Variants in CHD7 observed in about 807,000 individuals in gnomAD.
The protein encoded by CHD7 is ATP-dependent chromatin remodeler CHD7.
In CHD7, 24 loss-of-function variants were observed where a neutral mutation model predicts 307.3. That is an observed-to-expected ratio of 0.08 (90% CI 0.06 to 0.11). The LOEUF (loss-of-function observed/expected upper bound fraction) is 0.11, where lower values mean the gene tolerates loss of function less well. Among genes scored for constraint, CHD7 ranks in the 10% least tolerant of loss-of-function variants. The probability of loss-of-function intolerance (pLI) is 1.00; values close to 1 mark genes in which losing one functional copy is unlikely to be tolerated. For missense variants in CHD7, 3,106 were observed against 3,727.1 expected, an observed-to-expected ratio of 0.83 and a Z score of 4.34; for synonymous variants, 1,363 against 1,349.9, an observed-to-expected ratio of 1.01 and a Z score of -0.21.
intron 13 of CHD7, among the ~76,000 whole-genome samples, chr8:60,827,031 A>T (rs1804281837): frequency 6.6e-6 from 1 of 152,182 alleles, no homozygotes; most frequent in African/African-American, 2.4e-5. Context: ...CCCACTTTCA[A>T]ATTGATACCT....
Position 60,865,964 on chromosome 8 carries a change from AC to A in CHD7, c.*32del. The A allele has an allele frequency of 6.5e-7, 1 of 1,549,030 alleles. No homozygotes were observed. The highest frequency in any genetic ancestry group is 8.8e-7 in the Non-Finnish European group (1 of 1,139,480). On this transcript the variant is annotated 3_prime_UTR_variant, in exon 38 of 38. Transcript: ENST00000423902. This position sits in a 1 kb window ranked among gnomAD's most constrained non-coding sequence, Gnocchi z 4.3. ...ACCAGTTCCAGTTCAAGTGTTTAAA[AC>A]TTTTGACAAGTGGTAGTCCTACTGT...
At position 60,821,869 on chromosome 8, in the gene CHD7, A is replaced by G; in HGVS notation, c.2777A>G (p.Gln926Arg). The change falls in exon 10 of 38, where the codon CAA (glutamine) becomes CGA (arginine). Residue 926 changes from glutamine to arginine, a missense_variant. By Grantham distance (43) the Gln-to-Arg change is conservative. Coordinates refer to ENST00000423902, the MANE Select transcript of CHD7 (RefSeq NM_017780.4). Reference protein sequence around the residue: ...STWERRQDIDQAKIEEFEKLM... With the variant: ...STWERRQDIDRAKIEEFEKLM... Reference sequence around the variant, plus strand: ...TGGGAGCGGAGGCAGGACATAGATCAAGCAAAGATCGAGGAGTTTGAGAAA... The same window carrying G: ...TGGGAGCGGAGGCAGGACATAGATCGAGCAAAGATCGAGGAGTTTGAGAAA... The G allele has an allele frequency of 6.2e-7, 1 of 1,607,304 alleles. No individual in the cohort carries two copies. The highest frequency in any genetic ancestry group is 8.5e-7 in the Non-Finnish European group (1 of 1,176,474).
At chr8:60,849,560 A>C (rs912682356) in intron 25 of CHD7, among the ~76,000 whole-genome samples, 5 of 152,172 alleles carry the variant, frequency 3.3e-5, no homozygotes, top group African/African-American at 7.2e-5. Context: ...GTTCCAAGCA[A>C]TATTTCACAA....
intron 2 of CHD7, among the ~76,000 whole-genome samples, chr8:60,747,317 A>G (rs530320478): frequency 8.5e-5 from 13 of 152,132 alleles, no homozygotes; most frequent in African/African-American, 2.9e-4. Context: ...ACCTCAGATG[A>G]TCCACCCGCT....
intron 13 of CHD7, among the ~76,000 whole-genome samples, chr8:60,825,980 C>T (rs533562991): frequency 5.3e-5 from 8 of 152,088 alleles, no homozygotes; most frequent in Admixed American, 6.6e-5. Context: ...TAATGCTATC[C>T]CTCCCCCAGC....
Position 60,841,750 on chromosome 8 carries a change from G to A in CHD7, c.4640G>A (p.Gly1547Glu). Residue 1547 changes from glycine (G) to glutamate (E), a missense_variant, in exon 20 of 38, where the codon GGG becomes GAG. Transcript: ENST00000423902. ...GAATTGGATATTGATGCCTTAAATG[G>A]GAGGGTGAGTAAGAAGTCCCATTCG... ...KAELDIDALNGRNNLVIDTPR... is the reference protein window; with the variant it reads ...KAELDIDALNERNNLVIDTPR... 1 of 1,605,466 alleles carries A rather than the reference G, an allele frequency of 6.2e-7. No individual in the cohort carries two copies. Among genetic ancestry groups the A allele is most frequent in the African/African-American group, 1.3e-5 (1 of 74,866 alleles).
In CHD7 at chr8:60,845,082, G is replaced by A. The variant is rs1371167281; in HGVS notation, c.5050+19G>A. 6.2e-7 allele frequency: 1 copy of A among 1,612,580 alleles called. No individual in the cohort carries two copies. Among genetic ancestry groups the A allele is most frequent in the Non-Finnish European group, 8.5e-7 (1 of 1,179,094 alleles). ...CATTCCGGTAGGTCTCCACCATGCT[G>A]TTTGTGCTACAGGGTCACAAAGCCA... is the stretch of plus-strand genomic sequence containing the variant. On this transcript the variant is annotated intron_variant, in intron 22 of 37. Transcript: ENST00000423902.
At chr8:60,766,074 CTGCT>C (rs1306254330) in intron 2 of CHD7, among the ~76,000 whole-genome samples, 1 of 152,250 alleles carries the variant, frequency 6.6e-6, no homozygotes, top group African/African-American at 2.4e-5. Context: ...CAGTGCACAC[CTGCT>C]TATCATTCAC....
chr8:60,843,326 T>C (rs1313084466), intron 21 of CHD7, among the ~76,000 whole-genome samples: 1 of 152,224 alleles, frequency 6.6e-6, no homozygotes, highest in African/African-American at 2.4e-5. Flanking sequence ...AAAAGCCCTT[T>C]GCTACCCATG....
chr8:60,850,370 T>C, intron 25 of CHD7, 123 bp from the exon 26 acceptor site: 1 of 1,215,582 alleles, frequency 8.2e-7, no homozygotes. Context: ...CCACTTGGAT[T>C]CAACAGAGAT....
At chr8:60,726,938 C>T (rs1274923850) in intron 1 of CHD7, among the ~76,000 whole-genome samples, 1 of 152,074 alleles carries the variant, frequency 6.6e-6, no homozygotes, top group Non-Finnish European at 1.5e-5. Context: ...TGTATCTTTG[C>T]CCCTTCTTAC....
chr8:60,835,425 T>C (rs762935683), intron 15 of CHD7, among the ~76,000 whole-genome samples: 1 of 152,208 alleles, frequency 6.6e-6, no homozygotes, highest in Non-Finnish European at 1.5e-5. Flanking sequence ...TAGTTCAAGA[T>C]AGAATTTTTG....
rs199953550 is a variant in CHD7 at position 60,742,483 on chromosome 8, G to A, written c.1051G>A (p.Val351Ile). 1.8e-5 allele frequency: 29 copies of A among 1,613,976 alleles called. No homozygotes were observed. The African/African-American group carries it at 3.7e-4, about 21-fold the overall frequency. ...NQSVPRYPNA[V>I]GFPSNSGQGL... ...GTCCGTACCAAGATACCCCAATGCT[G>A]TAGGATTCCCATCAAACAGTGGTCA... The change falls in exon 2 of 38, where the codon GTA becomes ATA. Residue 351 changes from valine to isoleucine, a missense_variant. By Grantham distance (29) the Val-to-Ile change is conservative. Transcript: ENST00000423902.
At chr8:60,739,485 C>T (rs1808881688) in intron 1 of CHD7, among the ~76,000 whole-genome samples, 1 of 152,198 alleles carries the variant, frequency 6.6e-6, no homozygotes, top group South Asian at 2.1e-4. Flanking sequence ...TATAGTAAAG[C>T]AGCGTGTTTT....
Position 60,820,071 on chromosome 8 carries a change from G to A in CHD7, c.2678G>A (p.Ser893Asn). The change falls in exon 9 of 38, where the codon AGC becomes AAC. Residue 893 changes from serine (S) to asparagine (N), a missense_variant. Ser to Asn is a conservative substitution (Grantham distance 46, BLOSUM62 1). Around this residue, in one of 10 missense-constraint regions of CHD7, gnomAD observed 188 missense variants for 261.7 expected, o/e 0.72. Coordinates refer to ENST00000423902, the MANE Select transcript of CHD7 (RefSeq NM_017780.4). ...GACCGGATAATGGACTTTGCACGTA[G>A]CACAGATGACCGGGGAGAGGTAACA... ...EVDRIMDFARSTDDRGEPVTH... is the reference protein window; with the variant it reads ...EVDRIMDFARNTDDRGEPVTH... 1 of 1,608,896 alleles carries A rather than the reference G, an allele frequency of 6.2e-7. No individual in the cohort carries two copies. Among genetic ancestry groups the A allele is most frequent in the Middle Eastern group, 1.7e-4 (1 of 6,060 alleles).
intron 1 of CHD7, among the ~76,000 whole-genome samples, chr8:60,690,915 A>T (rs1806161754): frequency 6.6e-6 from 1 of 151,890 alleles, no homozygotes; most frequent in Admixed American, 6.6e-5. Context: ...TGCCCATGTC[A>T]TTTGCATCTT....
At chr8:60,807,132 C>T (rs759887582) in intron 6 of CHD7, among the ~76,000 whole-genome samples, 6 of 152,214 alleles carry the variant, frequency 3.9e-5, no homozygotes, top group Non-Finnish European at 8.8e-5. Flanking sequence ...ATTGAGGGGA[C>T]TAGTACCTTT....
intron 1 of CHD7, among the ~76,000 whole-genome samples, chr8:60,680,276 GTTGT>G (rs1310987321): frequency 1.3e-5 from 2 of 150,270 alleles, no homozygotes; most frequent in African/African-American, 2.4e-5. Context: ...TGGGGGACGC[GTTGT>G]TTGTTTGGTT....
intron 1 of CHD7, among the ~76,000 whole-genome samples, chr8:60,703,841 C>T (rs374627358): frequency 7.2e-5 from 11 of 152,308 alleles, no homozygotes; most frequent in African/African-American, 2.2e-4. Context: ...TCTCCCTGAG[C>T]GAAGTCAGAT....
Sources: gnomAD v4.1 joint callset for allele counts (sites outside exome capture counted in the v4.1 genomes callset) on GRCh38, gnomAD v4.1.1 for gene constraint, gnomAD v4.1.1 regional missense constraint, Gnocchi (gnomAD v3.1) non-coding constraint, MANE v1.5 for transcripts, NCBI Gene and HGNC (gene_info 2026-07-23, HGNC 2026-07-21) for gene names.